Variants in KIF16B observed in about 807,000 individuals in gnomAD.
KIF16B encodes kinesin family member 16B, also known as kinesin-like protein KIF16B.
A neutral mutation model predicts 156.3 loss-of-function variants in KIF16B; 98 were observed. The observed-to-expected ratio is 0.63, with a 90% CI of 0.53 to 0.74. The LOEUF is 0.74. Ranked by LOEUF, KIF16B falls within the 30% of genes least tolerant of loss-of-function variation. The pLI, the probability that KIF16B is intolerant of heterozygous loss-of-function variation, is 0.00. For synonymous variants in KIF16B, 564 were observed against 583.7 expected (o/e 0.97, Z 0.49); for missense variants, 1,421 against 1,606.5 (o/e 0.88, Z 1.97).
chr20:16,377,213 G>C (rs1166996333), intron 19 of KIF16B, among the ~76,000 whole-genome samples: 1 of 152,042 alleles, frequency 6.6e-6, no homozygotes. Context: ...TGTGGGTGGG[G>C]GGAGTACTGC....
chr20:16,314,645 C>T (rs529203238), intron 24 of KIF16B, among the ~76,000 whole-genome samples: 37 of 152,302 alleles, frequency 2.4e-4, no homozygotes, highest in African/African-American at 8.7e-4. Context: ...AATAAAACCA[C>T]AGAAAATGAA....
chr20:16,387,324 G>A (rs567010968), intron 17 of KIF16B, among the ~76,000 whole-genome samples: 27 of 152,220 alleles, frequency 1.8e-4, no homozygotes, highest in African/African-American at 5.3e-4. Flanking sequence ...TGGTTTTCTC[G>A]GTTGCACTGA....
At chr20:16,336,089 A>T in intron 23 of KIF16B, 74 bp from the exon 24 acceptor site, 1 of 893,166 alleles carries the variant, frequency 1.1e-6, no homozygotes, top group Non-Finnish European at 1.7e-6. Flanking sequence ...AAGAATTTAA[A>T]AATTAAATTT....
chr20:16,327,176 A>G (rs1312463978), intron 24 of KIF16B, among the ~76,000 whole-genome samples: 1 of 151,790 alleles, frequency 6.6e-6, no homozygotes, highest in Non-Finnish European at 1.5e-5. Context: ...ATTGGAGACC[A>G]TTATCCTAAG....
rs779305862 is a variant in KIF16B, at chr20:16,381,745, A to C, written c.1787T>G (p.Leu596Arg). The part of the protein sequence containing the change: ...LSAVMLYNPG[L>R]EFERQQREEL... ...TTCACGCTGTTGCCTCTCAAATTCA[A>C]GTCTAATAAAATCAAATGAAAATGA... The change falls in exon 18 of 26, where the codon CTT becomes CGT. Residue 596 changes from leucine to arginine, a missense_variant and splice_region_variant. Leu to Arg is a moderately radical substitution (Grantham distance 102). Transcript: ENST00000354981. 3 of 1,609,870 alleles carry C rather than the reference A, an allele frequency of 1.9e-6. No individual in the cohort carries two copies. Among genetic ancestry groups the C allele is most frequent in the South Asian group, 2.2e-5 (2 of 90,550 alleles).
At position 16,493,752 on chromosome 20, in the gene KIF16B, G is replaced by A. The variant is rs192629299; in HGVS notation, c.1302+539C>T. ...AGCATTATGATAAATGGAGGCTACT[G>A]CTGACATCTTTTCACAGCAAGTCTT... On this transcript the variant is annotated intron_variant, in intron 12 of 25. Transcript: ENST00000354981. 1.6e-4 allele frequency among the ~76,000 whole-genome samples: 25 copies of A among 152,278 alleles called. 1 individual carries two copies. In the East Asian group the frequency reaches 4.4e-3, roughly 27 times the overall value.
chr20:16,511,598 A>G, intron 5 of KIF16B, 71 bp from the exon 6 acceptor site: 1 of 903,804 alleles, frequency 1.1e-6, no homozygotes, highest in South Asian at 1.5e-5. Flanking sequence ...AACACATAAC[A>G]GCAGCAACCT....
chr20:16,512,665 G>T (rs377089967), intron 5 of KIF16B, among the ~76,000 whole-genome samples, 161 bp downstream of exon 5: 45 of 152,146 alleles, frequency 3.0e-4, no homozygotes, highest in African/African-American at 1.1e-3. Context: ...AAACTTATGT[G>T]TTTTAAGCTT....
chr20:16,446,810 C>T (rs865875019), intron 12 of KIF16B, among the ~76,000 whole-genome samples: 1 of 152,134 alleles, frequency 6.6e-6, no homozygotes, highest in African/African-American at 2.4e-5. Context: ...CACGCTAGGT[C>T]GAATTGTGAA....
chr20:16,374,247 T>A lies in KIF16B; in HGVS notation c.3350+10A>T. The A allele has an allele frequency of 6.5e-7, 1 of 1,534,234 alleles. No homozygotes were observed. On this transcript the variant is annotated intron_variant, in intron 20 of 25. Transcript: ENST00000354981. The stretch of plus-strand genomic sequence containing the variant: ...AATGAGAAGCCTGGAATCACTTTCA[T>A]GTCCAGTACCTGGCATCCATGAGGG...
rs28379150 is a variant in KIF16B at position 16,542,003 on chromosome 20, G to A, written c.48-13563C>T. 3.7e-3 allele frequency among the ~76,000 whole-genome samples: 561 copies of A among 152,298 alleles called. 2 individuals are homozygous for A. Among genetic ancestry groups the A allele is most frequent in the African/African-American group, 0.013 (539 of 41,568 alleles). On this transcript the variant is annotated intron_variant, in intron 1 of 25. Transcript: ENST00000354981. ...GACAGAGGATCTGGGTGGCAAGCAC[G>A]GTGCCTACTGTACCAACCTCCCCTT...
At chr20:16,551,345 G>C (rs1001069670) in intron 1 of KIF16B, among the ~76,000 whole-genome samples, 5 of 152,048 alleles carry the variant, frequency 3.3e-5, no homozygotes, top group African/African-American at 7.2e-5. Context: ...GGTCAAGCTG[G>C]TCTCAGTCTC....
At chr20:16,383,340 T>C (rs2065150808) in intron 17 of KIF16B, among the ~76,000 whole-genome samples, 1 of 152,198 alleles carries the variant, frequency 6.6e-6, no homozygotes, top group Non-Finnish European at 1.5e-5. Flanking sequence ...GGAGCCAGGA[T>C]GTGAACTCAT....
chr20:16,417,155 G>A (rs1387714092), intron 15 of KIF16B, among the ~76,000 whole-genome samples: 3 of 152,166 alleles, frequency 2.0e-5, no homozygotes, highest in African/African-American at 4.8e-5. Context: ...GAGAGATGAA[G>A]AGGGAAATAT....
At chr20:16,454,003 C>T (rs181710557) in intron 12 of KIF16B, among the ~76,000 whole-genome samples, 2 of 152,200 alleles carry the variant, frequency 1.3e-5, no homozygotes, top group Admixed American at 6.5e-5. Context: ...TCATCCCTTA[C>T]GACACTGCTT....
chr20:16,367,717 GT>G (rs1328823051), intron 22 of KIF16B: 2 of 1,612,456 alleles, frequency 1.2e-6, no homozygotes, highest in Non-Finnish European at 1.7e-6. Flanking sequence ...AGGGATTTCT[GT>G]TTTCCAATCA....
chr20:16,534,079 G>A (rs1024429773), intron 1 of KIF16B, among the ~76,000 whole-genome samples: 6 of 152,074 alleles, frequency 3.9e-5, no homozygotes, highest in Non-Finnish European at 5.9e-5. Flanking sequence ...CCAACATGGC[G>A]AAACCCCATC....
chr20:16,291,080 A>G (rs531773684), intron 25 of KIF16B, among the ~76,000 whole-genome samples: 224 of 152,362 alleles, frequency 1.5e-3, no homozygotes, highest in African/African-American at 5.0e-3. Context: ...CTTGTAAAAT[A>G]GTCGTTGAAC....
In KIF16B at chr20:16,376,332, A is replaced by C. The variant is rs557337107; in HGVS notation, c.3198-1923T>G. ...AGCAGGTGGTAGGAAAAAAGGCAGG[A>C]AAATGGATTAAACCTGGTTCATAAA... On this transcript the variant is annotated intron_variant, in intron 19 of 25. Transcript: ENST00000354981. Among the ~76,000 whole-genome samples, 261 of 152,308 alleles carry C rather than the reference A, an allele frequency of 1.7e-3. 4 individuals are homozygous for C. Among genetic ancestry groups the C allele is most frequent in the Middle Eastern group, 0.014 (4 of 294 alleles).
Sources: gnomAD v4.1 joint callset for allele counts (sites outside exome capture counted in the v4.1 genomes callset) on GRCh38, gnomAD v4.1.1 for gene constraint, MANE v1.5 for transcripts, NCBI Gene and HGNC (gene_info 2026-07-23, HGNC 2026-07-21) for gene names.